Variants in TCF12 observed in about 807,000 individuals in gnomAD.
TCF12 encodes DNA-binding protein HTF4.
TCF12 carries 45 observed loss-of-function variants against 86.0 expected under a neutral mutation model. The observed-to-expected ratio is 0.52, with a 90% CI of 0.41 to 0.67. The LOEUF is 0.67. Ranked by LOEUF, TCF12 falls within the 30% of genes least tolerant of loss-of-function variation. The pLI is 0.00. For synonymous variants in TCF12, 330 were observed against 299.6 expected, an observed-to-expected ratio of 1.10 and a Z score of -1.05; for missense variants, 881 against 859.9, an observed-to-expected ratio of 1.02 and a Z score of -0.31.
intron 5 of TCF12, among the ~76,000 whole-genome samples, chr15:57,093,177 T>G (rs768271852): frequency 6.6e-6 from 1 of 152,116 alleles, no homozygotes; most frequent in African/African-American, 2.4e-5. Context: ...TCATTCCAGA[T>G]AAAAAAATCA....
chr15:57,084,765 A>G (rs2048518377), intron 4 of TCF12, among the ~76,000 whole-genome samples: 1 of 152,016 alleles, frequency 6.6e-6, no homozygotes, highest in African/African-American at 2.4e-5. Context: ...CAAAGGGAGA[A>G]AATTGTATAT....
At chr15:57,131,981 T>A (rs920627962) in intron 5 of TCF12, among the ~76,000 whole-genome samples, 3 of 152,110 alleles carry the variant, frequency 2.0e-5, no homozygotes, top group Non-Finnish European at 4.4e-5. Flanking sequence ...CAGCTTTCTC[T>A]TTGTGGAATC....
In TCF12 at chr15:57,152,179, T is replaced by C. The variant is rs532805054; in HGVS notation, c.326-14223T>C. On this transcript the variant is annotated intron_variant, in intron 5 of 20. Coordinates refer to ENST00000333725, the MANE Select transcript of TCF12 (RefSeq NM_207037.2). The stretch of plus-strand genomic sequence containing the variant: ...TGAATTTCTCACTCTAAAGTCCTTA[T>C]ATGGAAAGAGGCATACCCACTTCCA... Among the ~76,000 whole-genome samples the C allele has an allele frequency of 3.9e-5, 6 of 152,300 alleles. No individual in the cohort carries two copies. In the South Asian group the frequency reaches 1.0e-3, roughly 26 times the overall value.
intron 5 of TCF12, among the ~76,000 whole-genome samples, chr15:57,139,969 G>C (rs1293795551): frequency 1.3e-5 from 2 of 152,102 alleles, no homozygotes; most frequent in Non-Finnish European, 2.9e-5. Flanking sequence ...AAATCGGACA[G>C]GCACTTTGCC....
At chr15:57,029,999 T>G (rs748301636) in intron 3 of TCF12, among the ~76,000 whole-genome samples, 25 of 152,298 alleles carry the variant, frequency 1.6e-4, no homozygotes, top group Middle Eastern at 3.4e-3. Context: ...GTGTTTTTTA[T>G]AGTTTTTGGA....
intron 3 of TCF12, among the ~76,000 whole-genome samples, chr15:57,043,256 G>A (rs1408062718): frequency 6.6e-6 from 1 of 152,128 alleles, no homozygotes; most frequent in African/African-American, 2.4e-5. Flanking sequence ...TGGGAATACA[G>A]ATACCTTTTT....
At chr15:56,922,843 A>G (rs1001881491) in intron 3 of TCF12, among the ~76,000 whole-genome samples, 5 of 152,170 alleles carry the variant, frequency 3.3e-5, no homozygotes, top group East Asian at 1.9e-4. Flanking sequence ...ACTGGTAGAT[A>G]TAATTTTTCT....
chr15:56,988,960 A>G (rs1195489174), intron 3 of TCF12, among the ~76,000 whole-genome samples: 1 of 152,162 alleles, frequency 6.6e-6, no homozygotes, highest in Non-Finnish European at 1.5e-5. Flanking sequence ...TTTTCTTTTA[A>G]AAGTATACTA....
intron 6 of TCF12, among the ~76,000 whole-genome samples, chr15:57,186,852 G>GA (rs1288058712): frequency 6.6e-6 from 1 of 151,850 alleles, no homozygotes; most frequent in African/African-American, 2.4e-5. Context: ...AAAGAAAGGG[G>GA]AAAAAAACCC....
At chr15:57,164,563 C>T (rs1226073072) in intron 5 of TCF12, among the ~76,000 whole-genome samples, 2 of 152,164 alleles carry the variant, frequency 1.3e-5, no homozygotes, top group African/African-American at 4.8e-5. Flanking sequence ...CAGTTACCTC[C>T]CACCAGGTCC....
At chr15:57,241,488 T>C (rs1029409451) in intron 12 of TCF12, among the ~76,000 whole-genome samples, 1 of 152,168 alleles carries the variant, frequency 6.6e-6, no homozygotes, top group African/African-American at 2.4e-5. Context: ...GCTTTTTAAA[T>C]AGAGTATACA....
chr15:57,083,430 A>T (rs1238533976), intron 4 of TCF12, among the ~76,000 whole-genome samples: 1 of 151,296 alleles, frequency 6.6e-6, no homozygotes, highest in Non-Finnish European at 1.5e-5. Flanking sequence ...TATTTTAATC[A>T]TGTTAAAGGA....
chr15:57,180,668 G>A (rs564798831), intron 6 of TCF12, among the ~76,000 whole-genome samples: 1 of 151,952 alleles, frequency 6.6e-6, no homozygotes, highest in Non-Finnish European at 1.5e-5. Flanking sequence ...TAACACAGCA[G>A]AGGTTCCATG....
intron 16 of TCF12, among the ~76,000 whole-genome samples, chr15:57,253,727 A>T (rs2060221469): frequency 6.6e-6 from 1 of 152,228 alleles, no homozygotes; most frequent in African/African-American, 2.4e-5. Flanking sequence ...GATGTGTAAT[A>T]ATTGGCACAG....
chr15:57,208,427 G>A (rs141553284), intron 8 of TCF12, among the ~76,000 whole-genome samples: 10,888 of 111,684 alleles, frequency 0.097, 642 homozygotes, highest in Admixed American at 0.14. Flanking sequence ...CTGTCACCCA[G>A]GCTGGAGTGC....
intron 3 of TCF12, among the ~76,000 whole-genome samples, chr15:56,935,402 A>T (rs1220698608): frequency 1.3e-5 from 2 of 152,094 alleles, no homozygotes; most frequent in African/African-American, 4.8e-5. Context: ...ATACCTTCTC[A>T]CTGTGCCCTC....
chr15:57,231,126 A>T, intron 8 of TCF12, 26 bp from the exon 9 acceptor site: 1 of 1,520,628 alleles, frequency 6.6e-7, no homozygotes, highest in Non-Finnish European at 9.1e-7. Context: ...TTTACATTTT[A>T]ATTAAATGTG....
intron 18 of TCF12, among the ~76,000 whole-genome samples, chr15:57,266,937 G>A (rs1300037121): frequency 1.3e-5 from 2 of 152,218 alleles, no homozygotes. Flanking sequence ...GGTAAGGCAG[G>A]AAGATTGCTT....
intron 3 of TCF12, among the ~76,000 whole-genome samples, chr15:56,998,430 C>A (rs2063826557): frequency 7.2e-6 from 1 of 139,092 alleles, no homozygotes; most frequent in East Asian, 2.2e-4. Context: ...GCACTCCAGC[C>A]TTGGTGACAG....
Sources: gnomAD v4.1 joint callset for allele counts (sites outside exome capture counted in the v4.1 genomes callset) on GRCh38, gnomAD v4.1.1 for gene constraint, MANE v1.5 for transcripts, NCBI Gene and HGNC (gene_info 2026-07-23, HGNC 2026-07-21) for gene names.